Variants in MFHAS1 observed in about 807,000 individuals in gnomAD.
MFHAS1 encodes the protein multifunctional ROCO family signaling regulator 1, also known as malignant fibrous histiocytoma-amplified sequence 1.
In MFHAS1, 50 loss-of-function variants were observed where a neutral mutation model predicts 70.4. That is an observed-to-expected ratio of 0.71 (90% CI 0.57 to 0.90). The LOEUF (loss-of-function observed/expected upper bound fraction) is 0.90, where lower values mean the gene tolerates loss of function less well. Among genes scored for constraint, MFHAS1 ranks in the 40% least tolerant of loss-of-function variants. The probability of loss-of-function intolerance (pLI) is 0.00; values close to 1 mark genes in which losing one functional copy is unlikely to be tolerated. For missense variants in MFHAS1, 1,795 were observed against 1,347.6 expected, an observed-to-expected ratio of 1.33 and a Z score of -5.20; for synonymous variants, 952 against 620.0, an observed-to-expected ratio of 1.54 and a Z score of -7.96.
chr8:8,827,757 C>T (rs1807216697), intron 1 of MFHAS1, among the ~76,000 whole-genome samples: 1 of 152,068 alleles, frequency 6.6e-6, no homozygotes, highest in African/African-American at 2.4e-5. Flanking sequence ...TAGCCTTTTT[C>T]TTTACAGCTT....
intron 2 of MFHAS1, among the ~76,000 whole-genome samples, chr8:8,796,671 A>C (rs10112559): frequency 5.3e-5 from 4 of 75,988 alleles, no homozygotes; most frequent in Non-Finnish European, 7.6e-5. Flanking sequence ...GCGACAGAGC[A>C]AGACTCCGTC....
At chr8:8,834,001 C>G (rs972781793) in intron 1 of MFHAS1, among the ~76,000 whole-genome samples, 6 of 152,106 alleles carry the variant, frequency 3.9e-5, no homozygotes, top group African/African-American at 1.4e-4. Flanking sequence ...TGGTACATGT[C>G]TGTAATCCCA....
Position 8,890,476 on chromosome 8 carries a change from T to C in MFHAS1, c.2583A>G (p.Ala861=), listed in dbSNP as rs201828693. ...GGTTGGTCCCATTAATCCAGGCTTC[T>C]GCATGGGGCACCTCGTTCTGCACAT... ...PCYVQNEVPH[A]EAWINGTNLA... Residue 861 remains alanine (A), a synonymous_variant, in exon 1 of 3, where the codon GCA becomes GCG. Coordinates refer to ENST00000276282, the MANE Select transcript of MFHAS1 (RefSeq NM_004225.3). The C allele has an allele frequency of 1.1e-5, 17 of 1,613,950 alleles. No individual in the cohort carries two copies. The South Asian group carries it at 1.1e-4, about 10-fold the overall frequency.
intron 1 of MFHAS1, among the ~76,000 whole-genome samples, chr8:8,833,830 G>A (rs928733440): frequency 3.3e-5 from 5 of 152,080 alleles, no homozygotes; most frequent in African/African-American, 7.2e-5. Flanking sequence ...ACATACTGCA[G>A]TACTTCCTAA....
At chr8:8,864,406 A>T (rs1477839082) in intron 1 of MFHAS1, among the ~76,000 whole-genome samples, 1 of 152,246 alleles carries the variant, frequency 6.6e-6, no homozygotes, top group Non-Finnish European at 1.5e-5. Flanking sequence ...ACCCTCCCAC[A>T]TTAGTAGAAA....
At chr8:8,850,864 C>T (rs1177808005) in intron 1 of MFHAS1, among the ~76,000 whole-genome samples, 4 of 151,752 alleles carry the variant, frequency 2.6e-5, no homozygotes, top group Non-Finnish European at 1.5e-5. Context: ...CAGGTCAGCA[C>T]CCGCTACACA....
At position 8,797,504 on chromosome 8, in the gene MFHAS1, A is replaced by C. The variant is rs1284373296; in HGVS notation, c.2999-13T>G. The C allele has an allele frequency of 1.2e-6, 2 of 1,611,940 alleles. No individual in the cohort carries two copies. The highest frequency in any genetic ancestry group is 1.7e-4 in the Middle Eastern group (1 of 6,058). On this transcript the variant is annotated splice_polypyrimidine_tract_variant and intron_variant, in intron 1 of 2. Transcript: ENST00000276282. ...CTCAGCAACTCCCCTGTAGGAGGAG[A>C]GAGAAAAACGTGTTAGGGAGATGTG...
chr8:8,849,754 G>C (rs887777813), intron 1 of MFHAS1, among the ~76,000 whole-genome samples: 6 of 152,208 alleles, frequency 3.9e-5, no homozygotes, highest in African/African-American at 1.4e-4. Context: ...GGGTAGATAA[G>C]CTTTACTTTC....
At chr8:8,889,850 G>C (rs1174702444) in intron 1 of MFHAS1, among the ~76,000 whole-genome samples, 1 of 152,216 alleles carries the variant, frequency 6.6e-6, no homozygotes, top group Non-Finnish European at 1.5e-5. Context: ...GTCTGAGTCT[G>C]TTAGGAGAGG....
At chr8:8,810,070 A>C (rs1442109379) in intron 1 of MFHAS1, among the ~76,000 whole-genome samples, 1 of 152,218 alleles carries the variant, frequency 6.6e-6, no homozygotes, top group Admixed American at 6.5e-5. Flanking sequence ...AGTCCTTAAT[A>C]ATGATCAGAA....
intron 1 of MFHAS1, among the ~76,000 whole-genome samples, chr8:8,843,978 T>C (rs145129140): frequency 6.6e-6 from 1 of 152,342 alleles, no homozygotes; most frequent in East Asian, 1.9e-4. Context: ...TCAATTTAAG[T>C]AATTAACAAT....
At chr8:8,831,632 T>C (rs1807391803) in intron 1 of MFHAS1, among the ~76,000 whole-genome samples, 1 of 151,938 alleles carries the variant, frequency 6.6e-6, no homozygotes, top group East Asian at 1.9e-4. Context: ...TTTTTTTTTT[T>C]TGAGACAGTC....
At position 8,805,792 on chromosome 8, in the gene MFHAS1, G is replaced by T. The variant is rs150938683; in HGVS notation, c.2999-8301C>A. On this transcript the variant is annotated intron_variant, in intron 1 of 2. Transcript: ENST00000276282. ...GGCTCACTACAACCTCCACCTTCCG[G>T]GTTCAAGAGATTCTCCTGCCTCAGA... Among the ~76,000 whole-genome samples, 342 of 152,260 alleles carry T rather than the reference G, an allele frequency of 2.2e-3. 2 individuals carry two copies. The highest frequency in any genetic ancestry group is 7.7e-3 in the African/African-American group (319 of 41,556).
chr8:8,800,482 C>T (rs1205738478), intron 1 of MFHAS1, among the ~76,000 whole-genome samples: 6 of 152,174 alleles, frequency 3.9e-5, no homozygotes, highest in Non-Finnish European at 8.8e-5. Flanking sequence ...AAGTCAGAAG[C>T]CCTCTGAGTT....
intron 2 of MFHAS1, among the ~76,000 whole-genome samples, chr8:8,793,052 GGT>G (rs1805772332): frequency 6.6e-6 from 1 of 152,166 alleles, no homozygotes; most frequent in South Asian, 2.1e-4. Flanking sequence ...CTCCCTGGAG[GGT>G]GAGGTGCAGA....
At chr8:8,820,981 A>G (rs1351686998) in intron 1 of MFHAS1, among the ~76,000 whole-genome samples, 4 of 152,220 alleles carry the variant, frequency 2.6e-5, no homozygotes, top group Non-Finnish European at 5.9e-5. Flanking sequence ...TTCTAATTTC[A>G]CTGTCCTTCC....
At chr8:8,813,389 C>G (rs1332165352) in intron 1 of MFHAS1, among the ~76,000 whole-genome samples, 1 of 152,120 alleles carries the variant, frequency 6.6e-6, no homozygotes, top group African/African-American at 2.4e-5. Flanking sequence ...CAGGCAGGCC[C>G]TTCGGGAGGT....
At chr8:8,793,063 G>C (rs1224051096) in intron 2 of MFHAS1, among the ~76,000 whole-genome samples, 2 of 152,176 alleles carry the variant, frequency 1.3e-5, no homozygotes, top group Non-Finnish European at 2.9e-5. Flanking sequence ...GTGAGGTGCA[G>C]AAGGGGAGGC....
At chr8:8,852,265 G>A (rs895090790) in intron 1 of MFHAS1, among the ~76,000 whole-genome samples, 1 of 152,162 alleles carries the variant, frequency 6.6e-6, no homozygotes, top group Non-Finnish European at 1.5e-5. Context: ...CTTGAGGTCA[G>A]GAATTCGAGA....
Sources: allele counts gnomAD v4.1 joint callset (sites outside exome capture counted in the v4.1 genomes callset), GRCh38; gene constraint gnomAD v4.1.1; transcripts MANE v1.5; gene names NCBI Gene and HGNC (gene_info 2026-07-23, HGNC 2026-07-21).